The following ADAM22 variants were observed in gnomAD, a reference collection of about 807,000 sequenced individuals.
ADAM22 encodes ADAM metallopeptidase domain 22, also known as disintegrin and metalloproteinase domain-containing protein 22.
In ADAM22, 65 loss-of-function variants were observed where a neutral mutation model predicts 144.6. The observed-to-expected ratio is 0.45, with a 90% confidence interval of 0.37 to 0.55. The LOEUF (loss-of-function observed/expected upper bound fraction) is 0.55, where lower values mean the gene tolerates loss of function less well. Ranked by LOEUF, ADAM22 falls within the 20% of genes least tolerant of loss-of-function variation. The pLI is 0.00. For synonymous variants in ADAM22, 391 were observed against 412.6 expected (o/e 0.95, Z 0.63); for missense variants, 974 against 1,184.9 (o/e 0.82, Z 2.61).
chr7:87,949,489 G>T (rs563332720), intron 2 of ADAM22, among the ~76,000 whole-genome samples: 1 of 152,236 alleles, frequency 6.6e-6, no homozygotes, highest in African/African-American at 2.4e-5. Flanking sequence ...TAACCTTTTT[G>T]TGTGACTTTA....
chr7:88,182,653 G>A (rs1328889279), intron 29 of ADAM22, among the ~76,000 whole-genome samples: 2 of 151,844 alleles, frequency 1.3e-5, no homozygotes, highest in African/African-American at 2.4e-5. Context: ...TTTAAGGGGG[G>A]TGGGTTTAGA....
At chr7:88,178,341 T>C (rs937510694) in intron 26 of ADAM22, among the ~76,000 whole-genome samples, 1 of 152,158 alleles carries the variant, frequency 6.6e-6, no homozygotes, top group Admixed American at 6.5e-5. Flanking sequence ...GTTATAAAAT[T>C]ACCTTTTTGA....
chr7:88,081,521 C>T (rs936571911), intron 4 of ADAM22, among the ~76,000 whole-genome samples: 24 of 151,812 alleles, frequency 1.6e-4, no homozygotes, highest in East Asian at 9.6e-4. Context: ...AAATAAAGGG[C>T]ATTCAATTAG....
chr7:87,935,164 G>A lies in ADAM22; in HGVS notation c.224G>A (p.Arg75Gln). The A allele has an allele frequency of 6.2e-7, 1 of 1,610,030 alleles. No individual in the cohort carries two copies. Among genetic ancestry groups the A allele is most frequent in the Non-Finnish European group, 8.5e-7 (1 of 1,177,930 alleles). The change falls in exon 2 of 32, where the codon CGG (arginine) becomes CAG (glutamine). Residue 75 changes from arginine (R) to glutamine (Q), a missense_variant. Transcript: ENST00000413139. ...SRHDALDTRV[R>Q]GDLGGPQLTH... ...CACGACGCGCTCGACACGCGGGTGC[G>A]GGGCGACCTCGGTGGCCCGCAGGTG...
intron 3 of ADAM22, among the ~76,000 whole-genome samples, chr7:88,073,476 G>A (rs2129479739): frequency 6.6e-6 from 1 of 152,294 alleles, no homozygotes; most frequent in Middle Eastern, 3.4e-3. Flanking sequence ...CTGCCCTGAT[G>A]TCAGATGGGA....
chr7:88,147,030 A>T (rs566116017), intron 17 of ADAM22, among the ~76,000 whole-genome samples: 1 of 152,244 alleles, frequency 6.6e-6, no homozygotes, highest in Non-Finnish European at 1.5e-5. Context: ...AAGTCTGCCC[A>T]TCTACAAAAT....
chr7:88,107,748 G>A (rs1434952072), intron 4 of ADAM22, among the ~76,000 whole-genome samples: 1 of 151,404 alleles, frequency 6.6e-6, no homozygotes, highest in Non-Finnish European at 1.5e-5. Flanking sequence ...ACCACATCCA[G>A]CTAATTTCAA....
intron 4 of ADAM22, among the ~76,000 whole-genome samples, chr7:88,084,812 G>A (rs1188847455): frequency 6.6e-6 from 1 of 152,142 alleles, no homozygotes; most frequent in Non-Finnish European, 1.5e-5. Flanking sequence ...CACAGACTGG[G>A]TGGCTTAAAC....
chr7:88,137,314 T>C (rs1807605287), intron 14 of ADAM22, among the ~76,000 whole-genome samples: 1 of 152,228 alleles, frequency 6.6e-6, no homozygotes, highest in Non-Finnish European at 1.5e-5. Context: ...GTCTAAAGAA[T>C]GTGGTTCATA....
At chr7:88,140,867 G>T (rs1440148706) in intron 14 of ADAM22, among the ~76,000 whole-genome samples, 1 of 152,122 alleles carries the variant, frequency 6.6e-6, no homozygotes, top group East Asian at 1.9e-4. Context: ...TGATCAGTGA[G>T]AGTTTTATTA....
At chr7:88,188,128 G>T (rs968106867) in intron 30 of ADAM22, among the ~76,000 whole-genome samples, 4 of 152,142 alleles carry the variant, frequency 2.6e-5, no homozygotes, top group African/African-American at 9.6e-5. Flanking sequence ...CCTCAGGCTT[G>T]TGGGCAGATT....
At chr7:88,094,426 G>T (rs1820720789) in intron 4 of ADAM22, among the ~76,000 whole-genome samples, 1 of 152,182 alleles carries the variant, frequency 6.6e-6, no homozygotes, top group Non-Finnish European at 1.5e-5. Flanking sequence ...GTGTGAAAGG[G>T]GCAGAAAGAA....
chr7:88,082,668 G>C (rs1040263317), intron 4 of ADAM22, among the ~76,000 whole-genome samples: 14 of 152,114 alleles, frequency 9.2e-5, no homozygotes, highest in African/African-American at 3.1e-4. Context: ...CCATCAAAAA[G>C]TTTGCAAAGG....
chr7:88,021,414 G>A (rs987370899), intron 3 of ADAM22, among the ~76,000 whole-genome samples: 1 of 152,184 alleles, frequency 6.6e-6, no homozygotes, highest in African/African-American at 2.4e-5. Flanking sequence ...ACCCCGGTAT[G>A]TGCCAAAGGT....
At chr7:88,016,531 A>G (rs759926975) in intron 3 of ADAM22, among the ~76,000 whole-genome samples, 2 of 152,198 alleles carry the variant, frequency 1.3e-5, no homozygotes, top group Non-Finnish European at 2.9e-5. Context: ...TAAACTTTAT[A>G]TATGTCTTTT....
intron 3 of ADAM22, among the ~76,000 whole-genome samples, chr7:88,032,872 A>G (rs1800633116): frequency 6.6e-6 from 1 of 152,126 alleles, no homozygotes; most frequent in Non-Finnish European, 1.5e-5. Context: ...CTTGCTAGCC[A>G]TATGAAGATG....
intron 4 of ADAM22, among the ~76,000 whole-genome samples, chr7:88,088,082 C>A (rs1262579707): frequency 6.6e-6 from 1 of 152,096 alleles, no homozygotes; most frequent in Non-Finnish European, 1.5e-5. Context: ...GAAAGGAATA[C>A]ATAAGGGTGG....
chr7:87,995,572 C>T (rs1310993903), intron 3 of ADAM22, among the ~76,000 whole-genome samples: 1 of 152,142 alleles, frequency 6.6e-6, no homozygotes. Context: ...GCGGCATCAT[C>T]GTGGGAAACT....
chr7:87,966,729 T>TTTTTTG (rs1562874146), intron 2 of ADAM22, among the ~76,000 whole-genome samples: 4 of 127,994 alleles, frequency 3.1e-5, no homozygotes, highest in African/African-American at 1.2e-4. Context: ...CCGTTTTTTT[T>TTTTTTG]TTTTTTTTTT....
Sources: gnomAD v4.1 joint callset for allele counts (sites outside exome capture counted in the v4.1 genomes callset) on GRCh38, gnomAD v4.1.1 for gene constraint, MANE v1.5 for transcripts, NCBI Gene and HGNC (gene_info 2026-07-23, HGNC 2026-07-21) for gene names.